The following MMP16 variants were observed in gnomAD, a reference collection of about 807,000 sequenced individuals.
The protein encoded by MMP16 is matrix metallopeptidase 16.
In MMP16, 12 loss-of-function variants were observed where a neutral mutation model predicts 67.8. The observed-to-expected ratio is 0.18, with a 90% confidence interval of 0.11 to 0.29. MMP16 has a LOEUF of 0.29. MMP16 is among the 10% of genes least tolerant of loss of function. MMP16 has a pLI of 1.00. For missense variants in MMP16, 475 were observed against 765.7 expected (o/e 0.62, Z 4.48); for synonymous variants, 249 against 255.9 (o/e 0.97, Z 0.26).
chr8:88,188,158 T>C lies in MMP16; in HGVS notation c.282-1560A>G, dbSNP rs1809103150. Among the ~76,000 whole-genome samples, 5 of 152,346 alleles carry C rather than the reference T, an allele frequency of 3.3e-5. No homozygotes were observed. The South Asian group carries it at 1.0e-3, about 32-fold the overall frequency. On this transcript the variant is annotated intron_variant, in intron 2 of 9. Transcript: ENST00000286614. ...AATTAACAAATAAATATTACTGGAC[T>C]AGATGGATATGGTTATTTTTATTGC...
At chr8:88,313,943 C>T (rs1279605603) in intron 1 of MMP16, among the ~76,000 whole-genome samples, 2 of 152,126 alleles carry the variant, frequency 1.3e-5, no homozygotes, top group Non-Finnish European at 2.9e-5. Flanking sequence ...ATAGGAAAGA[C>T]CCGTCCCCAT....
At chr8:88,098,373 A>G (rs1225177130) in intron 6 of MMP16, among the ~76,000 whole-genome samples, 2 of 152,030 alleles carry the variant, frequency 1.3e-5, no homozygotes, top group Non-Finnish European at 2.9e-5. Flanking sequence ...GGGTGGGCTC[A>G]GCGTCTAGGT....
intron 4 of MMP16, among the ~76,000 whole-genome samples, chr8:88,166,248 G>A (rs966862270): frequency 1.3e-5 from 2 of 151,970 alleles, no homozygotes; most frequent in Admixed American, 1.3e-4. Context: ...TTTATTACAT[G>A]ATTAGTTGTC....
intron 6 of MMP16, among the ~76,000 whole-genome samples, chr8:88,090,623 ATTCT>A (rs1808917434): frequency 6.6e-6 from 1 of 151,392 alleles, no homozygotes; most frequent in Non-Finnish European, 1.5e-5. Flanking sequence ...AAAATTGTCA[ATTCT>A]TTGACAATTT....
chr8:88,234,055 A>T (rs1271519459), intron 1 of MMP16, among the ~76,000 whole-genome samples: 1 of 152,246 alleles, frequency 6.6e-6, no homozygotes, highest in Non-Finnish European at 1.5e-5. Context: ...AAAAGAACCT[A>T]GCAATGAATC....
At chr8:88,255,489 A>C (rs1458840186) in intron 1 of MMP16, among the ~76,000 whole-genome samples, 1 of 152,142 alleles carries the variant, frequency 6.6e-6, no homozygotes, top group African/African-American at 2.4e-5. Flanking sequence ...AGACACACAC[A>C]CAAATTGGTA....
At chr8:88,225,031 C>A (rs1231905820) in intron 1 of MMP16, among the ~76,000 whole-genome samples, 3 of 151,926 alleles carry the variant, frequency 2.0e-5, no homozygotes. Flanking sequence ...CTGACTAACA[C>A]TTCAAATCAT....
At chr8:88,106,833 C>T (rs1195225225) in intron 6 of MMP16, among the ~76,000 whole-genome samples, 2 of 150,890 alleles carry the variant, frequency 1.3e-5, no homozygotes, top group Non-Finnish European at 3.0e-5. Context: ...TTAAAAGTAA[C>T]ACTTCCTACA....
chr8:88,295,183 T>A (rs1354480972), intron 1 of MMP16, among the ~76,000 whole-genome samples: 2 of 152,214 alleles, frequency 1.3e-5, no homozygotes, highest in African/African-American at 4.8e-5. Context: ...TGCACAAATA[T>A]GACTAGTAGT....
chr8:88,079,936 T>C (rs1416524503), intron 6 of MMP16, among the ~76,000 whole-genome samples: 1 of 152,220 alleles, frequency 6.6e-6, no homozygotes. Flanking sequence ...AGTAATTTTC[T>C]GCCATTTGCA....
intron 3 of MMP16, among the ~76,000 whole-genome samples, chr8:88,179,531 G>T (rs1808945733): frequency 6.6e-6 from 1 of 151,800 alleles, no homozygotes; most frequent in Non-Finnish European, 1.5e-5. Flanking sequence ...AGATCATTAG[G>T]GAAGGAATAA....
intron 1 of MMP16, among the ~76,000 whole-genome samples, chr8:88,298,739 T>C (rs1191097765): frequency 2.0e-5 from 3 of 152,180 alleles, no homozygotes; most frequent in Non-Finnish European, 2.9e-5. Context: ...AGCATGAATA[T>C]ATCTTTTCAA....
intron 6 of MMP16, among the ~76,000 whole-genome samples, chr8:88,089,855 T>TA (rs1405044959): frequency 3.3e-5 from 5 of 151,028 alleles, no homozygotes; most frequent in Admixed American, 6.6e-5. Flanking sequence ...TGCAGATAAT[T>TA]AAAAAAAAAT....
At chr8:88,307,761 G>A (rs921264249) in intron 1 of MMP16, among the ~76,000 whole-genome samples, 6 of 151,920 alleles carry the variant, frequency 3.9e-5, no homozygotes, top group African/African-American at 1.4e-4. Flanking sequence ...AAACAGAAAA[G>A]GAGGCAAAAT....
At chr8:88,099,597 C>A (rs1163095486) in intron 6 of MMP16, among the ~76,000 whole-genome samples, 1 of 151,714 alleles carries the variant, frequency 6.6e-6, no homozygotes, top group East Asian at 2.0e-4. Flanking sequence ...AGTCCAATAA[C>A]TGAAATTCTC....
intron 6 of MMP16, among the ~76,000 whole-genome samples, chr8:88,101,986 T>A (rs1231162667): frequency 6.6e-6 from 1 of 151,826 alleles, no homozygotes; most frequent in Non-Finnish European, 1.5e-5. Context: ...AGTCACTCAT[T>A]CATAGTGTTA....
At chr8:88,072,747 G>A (rs147671256) in intron 7 of MMP16, among the ~76,000 whole-genome samples, 5 of 152,216 alleles carry the variant, frequency 3.3e-5, no homozygotes, top group African/African-American at 7.2e-5. Context: ...AAAATGATAC[G>A]CAGGAAAATA....
rs754978084 is a variant in MMP16, at chr8:88,167,920, C to T, written c.458G>A (p.Arg153His). The change falls in exon 4 of 10, where the codon CGC becomes CAC. Residue 153 changes from arginine (R) to histidine (H), a missense_variant. Coordinates refer to ENST00000286614, the MANE Select transcript of MMP16 (RefSeq NM_005941.5). The part of the protein sequence containing the change: ...VGDPETRKAI[R>H]RAFDVWQNVT... ...ATTCTGCCACACATCAAAGGCACGG[C>T]GAATAGCTTTACGAGTCTCAGGGTC... is the stretch of plus-strand genomic sequence containing the variant. The T allele has an allele frequency of 1.1e-5, 17 of 1,613,766 alleles. No homozygotes were observed. Among genetic ancestry groups the T allele is most frequent in the South Asian group, 4.4e-5 (4 of 91,058 alleles).
chr8:88,169,751 C>A (rs1808769626), intron 3 of MMP16, among the ~76,000 whole-genome samples: 1 of 152,066 alleles, frequency 6.6e-6, no homozygotes, highest in South Asian at 2.1e-4. Flanking sequence ...AGCAAGGCAG[C>A]TGGTGTAGTT....
Sources: gnomAD v4.1 joint callset for allele counts (sites outside exome capture counted in the v4.1 genomes callset) on GRCh38, gnomAD v4.1.1 for gene constraint, MANE v1.5 for transcripts, NCBI Gene and HGNC (gene_info 2026-07-23, HGNC 2026-07-21) for gene names.